CFAP53: variants seen among roughly 807,000 people sequenced by gnomAD.
CFAP53 encodes the protein cilia- and flagella-associated protein 53.
CFAP53 carries 62 observed loss-of-function variants against 59.7 expected under a neutral mutation model. That is an observed-to-expected ratio of 1.04 (90% CI 0.85 to 1.28). The LOEUF is 1.28. Among genes scored for constraint, CFAP53 ranks in the 50% most tolerant of loss-of-function variants. The pLI is 0.00. For synonymous variants in CFAP53, 218 were observed against 205.7 expected, an observed-to-expected ratio of 1.06 and a Z score of -0.51; for missense variants, 629 against 615.6, an observed-to-expected ratio of 1.02 and a Z score of -0.23.
At chr18:50,238,358 C>T (rs2033657045) in intron 7 of CFAP53, among the ~76,000 whole-genome samples, 1 of 152,196 alleles carries the variant, frequency 6.6e-6, no homozygotes, top group Non-Finnish European at 1.5e-5. Context: ...AAGTGATCTT[C>T]CACTTCAGCT....
intron 2 of CFAP53, among the ~76,000 whole-genome samples, chr18:50,261,710 T>C (rs1333132760): frequency 6.6e-6 from 1 of 152,156 alleles, no homozygotes; most frequent in African/African-American, 2.4e-5. Flanking sequence ...CATATTTTAT[T>C]TGATCACATA....
intron 3 of CFAP53, among the ~76,000 whole-genome samples, chr18:50,254,475 T>C (rs2144427107): frequency 6.6e-6 from 1 of 152,082 alleles, no homozygotes; most frequent in East Asian, 1.9e-4. Flanking sequence ...AACAAAACAA[T>C]AACGCCACTA....
At chr18:50,253,498 C>T (rs2033820482) in intron 3 of CFAP53, among the ~76,000 whole-genome samples, 1 of 152,130 alleles carries the variant, frequency 6.6e-6, no homozygotes, top group Non-Finnish European at 1.5e-5. Flanking sequence ...TAAGTGTCTT[C>T]CCAAGTCACA....
chr18:50,259,208 C>T (rs1568159218), intron 3 of CFAP53, among the ~76,000 whole-genome samples: 1 of 152,136 alleles, frequency 6.6e-6, no homozygotes, highest in Non-Finnish European at 1.5e-5. Context: ...CCTAAGTGTC[C>T]ATCAACAGAT....
At position 50,250,801 on chromosome 18, in the gene CFAP53, A is replaced by T; in HGVS notation, c.953T>A (p.Leu318His). The change falls in exon 5 of 8, where the codon CTT becomes CAT. Residue 318 changes from leucine (L) to histidine (H), a missense_variant. Coordinates refer to ENST00000398545, the MANE Select transcript of CFAP53 (RefSeq NM_145020.5). ...ATCTGCCTCTTCCTGTAAGTCTTGAAGGGCCCTTTGCACGAGCTTCATGTT... is the reference window on the plus strand; with the variant it reads ...ATCTGCCTCTTCCTGTAAGTCTTGATGGGCCCTTTGCACGAGCTTCATGTT... ...DLNMKLVQRA[L>H]QDLQEEADKK... is the part of the protein sequence containing the mutation. The T allele has an allele frequency of 6.2e-7, 1 of 1,614,188 alleles. No individual in the cohort carries two copies. The highest frequency in any genetic ancestry group is 1.1e-5 in the South Asian group (1 of 91,080).
chr18:50,244,752 T>C (rs6507975), intron 5 of CFAP53, among the ~76,000 whole-genome samples: 46,341 of 151,818 alleles, frequency 0.31, 7,221 homozygotes, highest in African/African-American at 0.36. Flanking sequence ...AGTGAACTAA[T>C]AATCCACTAA....
intron 3 of CFAP53, among the ~76,000 whole-genome samples, chr18:50,259,402 A>C (rs561233250): frequency 6.6e-6 from 1 of 151,968 alleles, no homozygotes; most frequent in African/African-American, 2.4e-5. Flanking sequence ...CTAAAAATCA[A>C]AACAATTGAA....
chr18:50,249,920 T>C (rs2033781495), intron 5 of CFAP53, among the ~76,000 whole-genome samples: 2 of 152,086 alleles, frequency 1.3e-5, no homozygotes, highest in African/African-American at 4.8e-5. Context: ...GAATCTACAA[T>C]CATATCAAAA....
chr18:50,250,235 AAAGAG>A (rs372790662), intron 5 of CFAP53, among the ~76,000 whole-genome samples: 20,244 of 141,058 alleles, frequency 0.14, 1,101 homozygotes, highest in Middle Eastern at 0.17. Context: ...AAAAAAAAAA[AAAGAG>A]AGAGAGAGAG....
intron 1 of CFAP53, among the ~76,000 whole-genome samples, chr18:50,264,864 G>C (rs1305034160): frequency 6.6e-6 from 1 of 152,174 alleles, no homozygotes; most frequent in Admixed American, 6.5e-5. Flanking sequence ...ACCCAAAGTA[G>C]ATCTTCTGTC....
intron 1 of CFAP53, among the ~76,000 whole-genome samples, chr18:50,263,081 A>C (rs1171662034): frequency 1.3e-5 from 2 of 152,222 alleles, no homozygotes; most frequent in South Asian, 4.1e-4. Flanking sequence ...TATTCCTAGC[A>C]TTGAACATAA....
intron 7 of CFAP53, among the ~76,000 whole-genome samples, chr18:50,230,599 T>G (rs1239595576): frequency 6.6e-6 from 1 of 152,032 alleles, no homozygotes; most frequent in African/African-American, 2.4e-5. Context: ...GAGGAGGAGG[T>G]CGTGGGAACC....
intron 5 of CFAP53, among the ~76,000 whole-genome samples, chr18:50,250,236 A>AGAG (rs1491058593): frequency 1.1e-5 from 1 of 92,200 alleles, no homozygotes; most frequent in Admixed American, 1.1e-4. Flanking sequence ...AAAAAAAAAA[A>AGAG]AGAGAGAGAG....
At chr18:50,249,533 A>C (rs1388606189) in intron 5 of CFAP53, among the ~76,000 whole-genome samples, 1 of 152,064 alleles carries the variant, frequency 6.6e-6, no homozygotes, top group Non-Finnish European at 1.5e-5. Flanking sequence ...AAAATTAAAA[A>C]AAAAGAAAAA....
Position 50,243,064 on chromosome 18 carries a change from C to G in CFAP53, c.1049G>C (p.Arg350Pro). The change falls in exon 6 of 8, where the codon CGT becomes CCT. Residue 350 changes from arginine to proline, a missense_variant. By Grantham distance (103) the Arg-to-Pro change is moderately radical. Coordinates refer to ENST00000398545, the MANE Select transcript of CFAP53 (RefSeq NM_145020.5). ...TTTCTCCTGAGCTTTTTCTTCCTCA[C>G]GTCTCTGTGCCAAATATTTATGGTA... The part of the protein sequence containing the change: ...KIYHKYLAQR[R>P]EEEKAQEKEF... The G allele has an allele frequency of 6.2e-7, 1 of 1,613,574 alleles. No homozygotes were observed.
At chr18:50,247,939 T>G (rs2033760410) in intron 5 of CFAP53, among the ~76,000 whole-genome samples, 1 of 152,222 alleles carries the variant, frequency 6.6e-6, no homozygotes, top group Non-Finnish European at 1.5e-5. Flanking sequence ...GGATGTTATG[T>G]GAATTCTCTC....
In CFAP53 at chr18:50,266,432, G is replaced by C; in HGVS notation, c.-28C>G. 2 of 1,610,990 alleles carry C rather than the reference G, an allele frequency of 1.2e-6. No individual in the cohort carries two copies. The highest frequency in any genetic ancestry group is 1.7e-6 in the Non-Finnish European group (2 of 1,177,090). The stretch of plus-strand genomic sequence containing the variant: ...TCGAGTCCCCTTCGGGACGGGGGCG[G>C]CGTCCGCCGCGTTTCCCCCAACCGT... On this transcript the variant is annotated 5_prime_UTR_variant, in exon 1 of 8. Transcript: ENST00000398545.
chr18:50,238,670 T>C lies in CFAP53; in HGVS notation c.1249A>G (p.Met417Val), dbSNP rs755027775. The C allele has an allele frequency of 3.7e-6, 6 of 1,611,876 alleles. No homozygotes were observed. Among genetic ancestry groups the C allele is most frequent in the Non-Finnish European group, 5.1e-6 (6 of 1,179,146 alleles). Residue 417 changes from methionine (M) to valine (V), a missense_variant, in exon 7 of 8, where the codon ATG (methionine) becomes GTG (valine). Physicochemically the swap from Met to Val is conservative, Grantham distance 21 (BLOSUM62 1). Transcript: ENST00000398545. ...REAKEQEERA[M>V]EQKHINESLK... is the part of the protein sequence containing the mutation. ...CTTTCATTTATGTGTTTCTGTTCCA[T>C]AGCACGTTCTTCCTGTTCTTTAGCT...
At position 50,251,751 on chromosome 18, in the gene CFAP53, T is replaced by C. The variant is rs1361367886; in HGVS notation, c.507A>G (p.Leu169=). 2 of 1,614,152 alleles carry C rather than the reference T, an allele frequency of 1.2e-6. No individual in the cohort carries two copies. Among genetic ancestry groups the C allele is most frequent in the Non-Finnish European group, 1.7e-6 (2 of 1,180,020 alleles). ...CACACACCTTCTTCTGATGGATAGA[T>C]AACAATTCAACACGGAGCTCCTCAC... The part of the protein sequence containing the change: ...ERCEELRVEL[L]SIHQKKVCEE... Residue 169 remains leucine (L), a synonymous_variant, in exon 4 of 8, where the codon TTA becomes TTG. Coordinates refer to ENST00000398545, the MANE Select transcript of CFAP53 (RefSeq NM_145020.5).
Sources: gnomAD v4.1 joint callset for allele counts (sites outside exome capture counted in the v4.1 genomes callset) on GRCh38, gnomAD v4.1.1 for gene constraint, MANE v1.5 for transcripts, NCBI Gene and HGNC (gene_info 2026-07-23, HGNC 2026-07-21) for gene names.